USH2A: variants seen among roughly 807,000 people sequenced by gnomAD.
USH2A encodes Usher syndrome 2A (autosomal recessive, mild).
A neutral mutation model predicts 538.9 loss-of-function variants in USH2A; 443 were observed. That is an observed-to-expected ratio of 0.82 (90% CI 0.76 to 0.89). The LOEUF (loss-of-function observed/expected upper bound fraction) is 0.89. Among genes scored for constraint, USH2A ranks in the 40% least tolerant of loss-of-function variants. The pLI is 0.00. For missense variants in USH2A, 6,633 were observed against 6,324.8 expected, an observed-to-expected ratio of 1.05 and a Z score of -1.65; for synonymous variants, 2,413 against 2,273.5, an observed-to-expected ratio of 1.06 and a Z score of -1.75.
At chr1:215,716,016 TAG>T (rs1401163950) in intron 61 of USH2A, among the ~76,000 whole-genome samples, 1 of 152,246 alleles carries the variant, frequency 6.6e-6, no homozygotes, top group African/African-American at 2.4e-5. Flanking sequence ...TGTCTATACT[TAG>T]AGAGTTGAGA....
intron 3 of USH2A, among the ~76,000 whole-genome samples, chr1:216,378,086 C>A (rs2038869481): frequency 6.6e-6 from 1 of 151,866 alleles, no homozygotes. Flanking sequence ...AAAAAAATTT[C>A]TTGGTGGGAG....
At chr1:215,943,998 T>C (rs1278835428) in intron 37 of USH2A, among the ~76,000 whole-genome samples, 1 of 152,344 alleles carries the variant, frequency 6.6e-6, no homozygotes, top group East Asian at 1.9e-4. Flanking sequence ...ATGTTGTTTT[T>C]CTGTATTACA....
chr1:215,667,021 T>C (rs12133036), intron 64 of USH2A, among the ~76,000 whole-genome samples: 1,562 of 151,844 alleles, frequency 0.01, 15 homozygotes, highest in Non-Finnish European at 0.017. Context: ...AACCGGGGAG[T>C]TGGAGGTTGC....
chr1:216,196,103 A>G lies in USH2A; in HGVS notation c.4251+450T>C, dbSNP rs371003708. Among the ~76,000 whole-genome samples, 15 of 152,300 alleles carry G rather than the reference A, an allele frequency of 9.8e-5. 1 individual carries two copies. The highest frequency in any genetic ancestry group is 3.9e-4 in the Admixed American group (6 of 15,292). On this transcript the variant is annotated intron_variant, in intron 19 of 71. Transcript: ENST00000307340. ...TTTGTTATAAGCTGTGATAAATTCAATTCTTCAGATTTTTGAAGTAGAAAT... is the reference window on the plus strand; with the variant it reads ...TTTGTTATAAGCTGTGATAAATTCAGTTCTTCAGATTTTTGAAGTAGAAAT...
chr1:215,699,169 T>C (rs185783691), intron 61 of USH2A, among the ~76,000 whole-genome samples: 123 of 152,292 alleles, frequency 8.1e-4, no homozygotes, highest in South Asian at 2.3e-3. Context: ...TTCTGTTTCA[T>C]TGGTCTATAT....
At chr1:215,938,028 T>C (rs1242989452) in intron 37 of USH2A, among the ~76,000 whole-genome samples, 1 of 152,098 alleles carries the variant, frequency 6.6e-6, no homozygotes, top group African/African-American at 2.4e-5. Context: ...ACAACATTAA[T>C]ACATGGTAAT....
chr1:215,726,079 T>C (rs930852535), intron 61 of USH2A, among the ~76,000 whole-genome samples: 6 of 152,178 alleles, frequency 3.9e-5, no homozygotes, highest in Non-Finnish European at 8.8e-5. Context: ...ATAATCCTGA[T>C]GCCTTCAATA....
intron 14 of USH2A, among the ~76,000 whole-genome samples, chr1:216,221,400 T>G (rs911527215): frequency 6.6e-6 from 1 of 152,212 alleles, no homozygotes; most frequent in Non-Finnish European, 1.5e-5. Context: ...TTCATTGAGC[T>G]TCTTAGTTTC....
chr1:215,840,163 CAAAAAAAAAAAAAAAAAA>C (rs60766928), intron 46 of USH2A, among the ~76,000 whole-genome samples: 2 of 29,514 alleles, frequency 6.8e-5, no homozygotes, highest in Non-Finnish European at 1.3e-4. Context: ...GACTCTGTCT[CAAAAAAAAAAAAAAAAAA>C]AAAAAAAAAA....
chr1:216,251,281 C>A (rs1405676339), intron 11 of USH2A, among the ~76,000 whole-genome samples, 183 bp from the exon 12 acceptor site: 1 of 151,480 alleles, frequency 6.6e-6, no homozygotes, highest in Non-Finnish European at 1.5e-5. Context: ...ATATACAGAA[C>A]TGAATGAAAA....
intron 55 of USH2A, among the ~76,000 whole-genome samples, chr1:215,774,899 T>C (rs1170994287): frequency 2.0e-5 from 3 of 149,372 alleles, no homozygotes; most frequent in South Asian, 2.1e-4. Context: ...TGCCACACTT[T>C]TTTTTTTCTT....
At chr1:216,241,368 G>T (rs934167140) in intron 13 of USH2A, among the ~76,000 whole-genome samples, 16 of 152,048 alleles carry the variant, frequency 1.1e-4, no homozygotes, top group African/African-American at 2.9e-4. Flanking sequence ...ATTTTATTTG[G>T]TTTTTTAAAT....
At chr1:215,983,699 G>A (rs376773103) in intron 35 of USH2A, among the ~76,000 whole-genome samples, 2 of 152,146 alleles carry the variant, frequency 1.3e-5, no homozygotes, top group African/African-American at 4.8e-5. Flanking sequence ...ATGAGTCAGG[G>A]TTTCAACAGG....
intron 46 of USH2A, among the ~76,000 whole-genome samples, chr1:215,840,936 A>G (rs1663661812): frequency 6.6e-6 from 1 of 152,190 alleles, no homozygotes; most frequent in Non-Finnish European, 1.5e-5. Context: ...GACTCACCAT[A>G]AGAATCATGA....
intron 64 of USH2A, among the ~76,000 whole-genome samples, chr1:215,656,197 A>G (rs1473306993): frequency 1.3e-5 from 2 of 152,220 alleles, no homozygotes; most frequent in African/African-American, 2.4e-5. Context: ...AATGTCTCAT[A>G]TCTTTCTGAA....
chr1:216,306,401 T>C (rs2037317724), intron 9 of USH2A, among the ~76,000 whole-genome samples: 1 of 152,186 alleles, frequency 6.6e-6, no homozygotes, highest in African/African-American at 2.4e-5. Flanking sequence ...TCTGGAGATT[T>C]TTCTGTTCAT....
At chr1:216,141,904 G>A (rs574441596) in intron 21 of USH2A, among the ~76,000 whole-genome samples, 2 of 149,994 alleles carry the variant, frequency 1.3e-5, no homozygotes, top group Non-Finnish European at 3.0e-5. Flanking sequence ...AATTTTAAGT[G>A]CTTCAACAAA....
At chr1:215,682,966 C>CT (rs1475310420) in intron 61 of USH2A, among the ~76,000 whole-genome samples, 1 of 152,086 alleles carries the variant, frequency 6.6e-6, no homozygotes, top group East Asian at 1.9e-4. Context: ...TCAAGTGATT[C>CT]TCCTGCCTCA....
rs1440826778 is a variant in USH2A, at chr1:215,625,209, C to T, written c.*572G>A. On this transcript the variant is annotated 3_prime_UTR_variant, in exon 72 of 72. Transcript: ENST00000307340. ...ATTGTAAATAAATAGAACCTTCAGC[C>T]TTGTCAAAAAGTTTGGTAAGTAACC... is the stretch of plus-strand genomic sequence containing the variant. The T allele has an allele frequency of 6.3e-6, 1 of 158,978 alleles. No homozygotes were observed. The highest frequency in any genetic ancestry group is 1.4e-5 in the Non-Finnish European group (1 of 72,126). 9.8% of individuals were successfully genotyped at this position (158,978 alleles called of 1,614,324 possible). A position where few individuals can be genotyped will look rare whatever the true frequency, so the allele number is the denominator to read the frequency against.
Sources: allele counts gnomAD v4.1 joint callset (sites outside exome capture counted in the v4.1 genomes callset), GRCh38; gene constraint gnomAD v4.1.1; transcripts MANE v1.5; gene names NCBI Gene and HGNC (gene_info 2026-07-23, HGNC 2026-07-21).